Variants in BCL2L13 observed in about 807,000 individuals in gnomAD.
BCL2L13 encodes the protein bcl-2-like protein 13.
A neutral mutation model predicts 25.8 loss-of-function variants in BCL2L13; 13 were observed. That is an observed-to-expected ratio of 0.50 (90% CI 0.33 to 0.80). The LOEUF is 0.80. Among genes scored for constraint, BCL2L13 ranks in the 30% least tolerant of loss-of-function variants. The probability of loss-of-function intolerance (pLI) is 0.02; values close to 1 mark genes in which losing one functional copy is unlikely to be tolerated. For synonymous variants in BCL2L13, 244 were observed against 230.3 expected, an observed-to-expected ratio of 1.06 and a Z score of -0.54; for missense variants, 504 against 574.9, an observed-to-expected ratio of 0.88 and a Z score of 1.26.
chr22:17,673,333 C>A (rs139408794), intron 2 of BCL2L13, among the ~76,000 whole-genome samples: 1,512 of 150,908 alleles, frequency 0.01, 34 homozygotes, highest in African/African-American at 0.034. Context: ...TTGCCTGATG[C>A]AATATGACTT....
rs1406449165 is a variant in BCL2L13, at chr22:17,728,923, T to G, written c.*1389T>G. The G allele has an allele frequency of 1.3e-5, 2 of 152,116 alleles. No individual in the cohort carries two copies. The highest frequency in any genetic ancestry group is 2.9e-5 in the Non-Finnish European group (2 of 68,014). The allele number at this position is 152,116 out of a possible 1,614,324, so 9.4% of individuals were successfully genotyped here. A position where few individuals can be genotyped will look rare whatever the true frequency, so the allele number is the denominator to read the frequency against. The stretch of plus-strand genomic sequence containing the variant: ...CTAAAGGAAGGGTAGACCCGTGTCT[T>G]TCCAGCCCTAAAGGAAGGGTAGACC... On this transcript the variant is annotated 3_prime_UTR_variant, in exon 7 of 7. Transcript: ENST00000317582.
At chr22:17,642,565 A>T (rs987895923) in intron 1 of BCL2L13, among the ~76,000 whole-genome samples, 1 of 151,594 alleles carries the variant, frequency 6.6e-6, no homozygotes, top group Non-Finnish European at 1.5e-5. Flanking sequence ...CATTGTGTGG[A>T]CATACCACAT....
rs1188361443 is a variant in BCL2L13, at chr22:17,726,780, T to C, written c.704T>C (p.Val235Ala). 2 of 1,614,174 alleles carry C rather than the reference T, an allele frequency of 1.2e-6. No homozygotes were observed. Among genetic ancestry groups the C allele is most frequent in the South Asian group, 2.2e-5 (2 of 91,080 alleles). Reference protein sequence around the residue: ...YILPSDNSGQVSPPESPTVTT... With the variant: ...YILPSDNSGQASPPESPTVTT... Reference sequence around the variant, plus strand: ...CTGCCCAGCGACAACTCTGGACAAGTCAGTCCCCCAGAGTCTCCAACTGTG... The same window carrying C: ...CTGCCCAGCGACAACTCTGGACAAGCCAGTCCCCCAGAGTCTCCAACTGTG... Residue 235 changes from valine to alanine, a missense_variant, in exon 7 of 7, where the codon GTC becomes GCC. Transcript: ENST00000317582.
chr22:17,702,431 A>G, intron 6 of BCL2L13, 45 bp downstream of exon 6: 1 of 1,464,180 alleles, frequency 6.8e-7, no homozygotes, highest in East Asian at 2.7e-5. Flanking sequence ...AAAAAAAATT[A>G]GGTTTGTTGT....
intron 6 of BCL2L13, among the ~76,000 whole-genome samples, chr22:17,723,610 A>G (rs142748760): frequency 1.3e-3 from 198 of 152,318 alleles, no homozygotes; most frequent in African/African-American, 4.6e-3. Flanking sequence ...ATTACTTCCT[A>G]TGTACAAAGT....
chr22:17,721,492 GTT>G (rs36189821), intron 6 of BCL2L13, among the ~76,000 whole-genome samples: 1 of 137,832 alleles, frequency 7.3e-6, no homozygotes, highest in African/African-American at 2.7e-5. Context: ...AATGGAAATA[GTT>G]TTTTTTTTTA....
At chr22:17,664,323 C>G (rs1011742070) in intron 2 of BCL2L13, among the ~76,000 whole-genome samples, 10 of 152,218 alleles carry the variant, frequency 6.6e-5, no homozygotes, top group Admixed American at 6.5e-5. Context: ...ACCTTTGACT[C>G]CATGTCTCAC....
At chr22:17,632,752 CTTT>C (rs67358246) in intron 1 of BCL2L13, among the ~76,000 whole-genome samples, 9 of 124,368 alleles carry the variant, frequency 7.2e-5, no homozygotes, top group Non-Finnish European at 1.7e-5. Context: ...GATTCTTCTT[CTTT>C]TTTTTTTTTT....
chr22:17,664,260 C>T (rs5992782), intron 2 of BCL2L13, among the ~76,000 whole-genome samples: 17,008 of 152,244 alleles, frequency 0.11, 1,133 homozygotes, highest in African/African-American at 0.16. Flanking sequence ...GCTGGGATTA[C>T]AGGTGTGAGC....
At chr22:17,645,986 C>T (rs1281846068) in intron 1 of BCL2L13, among the ~76,000 whole-genome samples, 1 of 151,422 alleles carries the variant, frequency 6.6e-6, no homozygotes, top group Non-Finnish European at 1.5e-5. Flanking sequence ...TATAAGTAAT[C>T]TAGAAATGAC....
intron 6 of BCL2L13, among the ~76,000 whole-genome samples, chr22:17,724,759 C>T (rs1189602915): frequency 6.6e-6 from 1 of 152,140 alleles, no homozygotes; most frequent in Non-Finnish European, 1.5e-5. Context: ...ATTCAGATTC[C>T]CTGTAGCTTT....
chr22:17,683,604 A>G (rs926206996), intron 3 of BCL2L13, among the ~76,000 whole-genome samples: 34 of 152,110 alleles, frequency 2.2e-4, no homozygotes, highest in African/African-American at 7.5e-4. Context: ...TCCATTCACT[A>G]TGGTTTGATT....
chr22:17,688,447 G>A (rs534690344), intron 3 of BCL2L13, among the ~76,000 whole-genome samples: 1 of 152,220 alleles, frequency 6.6e-6, no homozygotes, highest in South Asian at 2.1e-4. Flanking sequence ...CTTAAAAACA[G>A]AATTTTAAGA....
chr22:17,661,022 G>A (rs1158777605), intron 2 of BCL2L13, among the ~76,000 whole-genome samples: 1 of 145,380 alleles, frequency 6.9e-6, no homozygotes, highest in Non-Finnish European at 1.6e-5. Flanking sequence ...CAGGCAATCT[G>A]CCTGCTTTGG....
At chr22:17,674,306 T>C (rs1339700701) in intron 2 of BCL2L13, among the ~76,000 whole-genome samples, 2 of 152,056 alleles carry the variant, frequency 1.3e-5, no homozygotes, top group Non-Finnish European at 2.9e-5. Context: ...GAGGTTTTTG[T>C]TTGTTTTGTT....
chr22:17,642,219 G>C (rs2058317677), intron 1 of BCL2L13, among the ~76,000 whole-genome samples: 1 of 149,774 alleles, frequency 6.7e-6, no homozygotes, highest in Non-Finnish European at 1.5e-5. Flanking sequence ...CGGACTCCCA[G>C]GTTGAACCTA....
intron 1 of BCL2L13, among the ~76,000 whole-genome samples, chr22:17,632,749 CTTCT>C (rs956339348): frequency 3.5e-5 from 5 of 143,524 alleles, no homozygotes; most frequent in African/African-American, 1.0e-4. Context: ...TATGATTCTT[CTTCT>C]TTTTTTTTTT....
chr22:17,680,467 C>G (rs2059708100), intron 2 of BCL2L13, among the ~76,000 whole-genome samples: 1 of 127,714 alleles, frequency 7.8e-6, no homozygotes, highest in African/African-American at 3.0e-5. Flanking sequence ...CGAGATCAAG[C>G]CACTGCACTG....
Position 17,702,223 on chromosome 22 carries a change from C to T in BCL2L13, c.457-20C>T, listed in dbSNP as rs1281677646. 3 of 1,567,286 alleles carry T rather than the reference C, an allele frequency of 1.9e-6. No homozygotes were observed. The highest frequency in any genetic ancestry group is 2.6e-6 in the Non-Finnish European group (3 of 1,159,188). On this transcript the variant is annotated intron_variant, in intron 5 of 6. Coordinates refer to ENST00000317582, the MANE Select transcript of BCL2L13 (RefSeq NM_015367.4). ...AAGAATTTCAGTGTGGTTTTTTATT[C>T]TCTCATCTTTGCATTGAAGATTTTG...
Sources: allele counts gnomAD v4.1 joint callset (sites outside exome capture counted in the v4.1 genomes callset), GRCh38; gene constraint gnomAD v4.1.1; transcripts MANE v1.5; gene names NCBI Gene and HGNC (gene_info 2026-07-23, HGNC 2026-07-21).